NEK7: variants seen among roughly 807,000 people sequenced by gnomAD.
The protein encoded by NEK7 is serine/threonine-protein kinase Nek7.
Under a neutral mutation model 44.6 loss-of-function variants are expected in NEK7, and 18 were observed. That is an observed-to-expected ratio of 0.40 (90% confidence interval 0.28 to 0.60). NEK7 has a LOEUF of 0.60. Ranked by LOEUF, NEK7 falls within the 20% of genes least tolerant of loss-of-function variation. The pLI, the probability that NEK7 is intolerant of heterozygous loss-of-function variation, is 0.38. For missense variants in NEK7, 256 were observed against 366.5 expected, an observed-to-expected ratio of 0.70 and a Z score of 2.46; for synonymous variants, 130 against 121.1, an observed-to-expected ratio of 1.07 and a Z score of -0.48.
In NEK7 at chr1:198,226,827, G is replaced by A. The variant is rs1035426226; in HGVS notation, c.-28-5726G>A. 3.3e-5 allele frequency among the ~76,000 whole-genome samples: 5 copies of A among 151,398 alleles called. No individual in the cohort carries two copies. The East Asian group carries it at 7.8e-4, about 24-fold the overall frequency. ...CCCCTACCTTTCTGTCTTGGAGATG[G>A]CCATAAAGAAATTCTCTGACCTGCT... is the stretch of plus-strand genomic sequence containing the variant. On this transcript the variant is annotated intron_variant, in intron 1 of 9. Transcript: ENST00000367385.
intron 2 of NEK7, among the ~76,000 whole-genome samples, chr1:198,238,613 T>A (rs1666603433): frequency 6.6e-6 from 1 of 152,234 alleles, no homozygotes; most frequent in Non-Finnish European, 1.5e-5. Flanking sequence ...TTGCCTCATT[T>A]AATCCTAACA....
chr1:198,316,975 C>A (rs16829978), intron 9 of NEK7, among the ~76,000 whole-genome samples: 12,722 of 152,252 alleles, frequency 0.084, 803 homozygotes, highest in South Asian at 0.25. Flanking sequence ...AGTAGATCAT[C>A]TAGAAATGTT....
At chr1:198,205,551 T>G (rs1220242698) in intron 1 of NEK7, among the ~76,000 whole-genome samples, 1 of 152,136 alleles carries the variant, frequency 6.6e-6, no homozygotes, top group Non-Finnish European at 1.5e-5. Flanking sequence ...GCACTCAGGA[T>G]TACTTGGCCC....
chr1:198,189,061 T>A (rs2102762457), intron 1 of NEK7, among the ~76,000 whole-genome samples: 1 of 152,312 alleles, frequency 6.6e-6, no homozygotes, highest in Admixed American at 6.5e-5. Context: ...AAATTGTTAC[T>A]CTCTTGAAAC....
At chr1:198,215,806 TAAAAA>T (rs74334929) in intron 1 of NEK7, among the ~76,000 whole-genome samples, 4,329 of 150,374 alleles carry the variant, frequency 0.029, 197 homozygotes, top group African/African-American at 0.099. Context: ...AGTAAAAAAA[TAAAAA>T]AAAACATCAT....
intron 1 of NEK7, among the ~76,000 whole-genome samples, chr1:198,211,432 A>G (rs142525720): frequency 2.6e-5 from 4 of 152,324 alleles, no homozygotes; most frequent in Non-Finnish European, 5.9e-5. Context: ...CATAGTTTTA[A>G]ATCTTTGTGA....
intron 2 of NEK7, among the ~76,000 whole-genome samples, 157 bp downstream of exon 2, chr1:198,232,794 T>C (rs1055275235): frequency 6.6e-6 from 1 of 151,364 alleles, no homozygotes; most frequent in African/African-American, 2.4e-5. Flanking sequence ...TTTTTTTTGC[T>C]TTGTTTTTCA....
chr1:198,287,812 C>A (rs965644369), intron 7 of NEK7, among the ~76,000 whole-genome samples: 3 of 151,212 alleles, frequency 2.0e-5, no homozygotes, highest in Non-Finnish European at 2.9e-5. Context: ...AAATTATGTT[C>A]TTGTTTTTGT....
intron 3 of NEK7, 44 bp from the exon 4 acceptor site, chr1:198,262,531 C>A: frequency 8.4e-7 from 1 of 1,186,844 alleles, no homozygotes; most frequent in South Asian, 1.3e-5. Context: ...TAGCTTGAAC[C>A]ATAGGTTATT....
At chr1:198,278,257 T>C (rs990327995) in intron 6 of NEK7, among the ~76,000 whole-genome samples, 188 bp downstream of exon 6, 35 of 151,000 alleles carry the variant, frequency 2.3e-4, no homozygotes, top group African/African-American at 7.6e-4. Flanking sequence ...TAAATTAATC[T>C]GCTTGACTCT....
chr1:198,216,432 C>T (rs544451471), intron 1 of NEK7, among the ~76,000 whole-genome samples: 1 of 151,980 alleles, frequency 6.6e-6, no homozygotes, highest in South Asian at 2.1e-4. Context: ...ACAGCAAAGA[C>T]AGTGTTAAGA....
At chr1:198,269,381 T>C (rs1336751283) in intron 5 of NEK7, among the ~76,000 whole-genome samples, 1 of 151,928 alleles carries the variant, frequency 6.6e-6, no homozygotes, top group Non-Finnish European at 1.5e-5. Context: ...TGGGGTTGGG[T>C]AGTTAAGAAA....
At chr1:198,219,767 C>A (rs1223979649) in intron 1 of NEK7, among the ~76,000 whole-genome samples, 5 of 151,902 alleles carry the variant, frequency 3.3e-5, no homozygotes, top group African/African-American at 1.2e-4. Context: ...AGGAATATCA[C>A]AGAGGTGATG....
chr1:198,250,738 G>A (rs529849566), intron 2 of NEK7, among the ~76,000 whole-genome samples: 3 of 144,984 alleles, frequency 2.1e-5, no homozygotes, highest in African/African-American at 7.7e-5. Flanking sequence ...TTTGTATCCT[G>A]AGACTTTGCT....
intron 3 of NEK7, among the ~76,000 whole-genome samples, chr1:198,259,432 AAAAC>A (rs1309257700): frequency 6.6e-6 from 1 of 152,144 alleles, no homozygotes; most frequent in Non-Finnish European, 1.5e-5. Flanking sequence ...TCTGCCTCCT[AAAAC>A]AAACAAACAA....
At chr1:198,263,248 C>T (rs1250812609) in intron 4 of NEK7, among the ~76,000 whole-genome samples, 2 of 151,610 alleles carry the variant, frequency 1.3e-5, no homozygotes, top group African/African-American at 4.8e-5. Context: ...TTATGCCATC[C>T]GTTTGTGTTA....
chr1:198,181,679 T>C (rs1440171086), intron 1 of NEK7, among the ~76,000 whole-genome samples: 1 of 152,100 alleles, frequency 6.6e-6, no homozygotes, highest in Non-Finnish European at 1.5e-5. Context: ...CTGAAATAAA[T>C]AAACAACAAC....
chr1:198,253,907 C>T (rs1349132452), intron 3 of NEK7, among the ~76,000 whole-genome samples: 1 of 152,080 alleles, frequency 6.6e-6, no homozygotes, highest in East Asian at 1.9e-4. Context: ...GTCTTTCTGC[C>T]TTCCAGTGTG....
At chr1:198,170,654 C>T (rs1315651560) in intron 1 of NEK7, among the ~76,000 whole-genome samples, 4 of 152,064 alleles carry the variant, frequency 2.6e-5, no homozygotes, top group African/African-American at 4.8e-5. Context: ...AATAACTGGA[C>T]GAATACTTGA....
Sources: allele counts gnomAD v4.1 joint callset (sites outside exome capture counted in the v4.1 genomes callset), GRCh38; gene constraint gnomAD v4.1.1; transcripts MANE v1.5; gene names NCBI Gene and HGNC (gene_info 2026-07-23, HGNC 2026-07-21).